Variants in ADGRG7 observed in about 807,000 individuals in gnomAD.
The protein encoded by ADGRG7 is G-protein coupled receptor 128.
In ADGRG7, 82 loss-of-function variants were observed where a neutral mutation model predicts 88.6. That is an observed-to-expected ratio of 0.93 (90% CI 0.77 to 1.11). The LOEUF is 1.11. Among genes scored for constraint, ADGRG7 ranks in the 50% most tolerant of loss-of-function variants. The pLI, the probability that ADGRG7 is intolerant of heterozygous loss-of-function variation, is 0.00. For synonymous variants in ADGRG7, 381 were observed against 345.2 expected (o/e 1.10, Z -1.15); for missense variants, 945 against 953.4 (o/e 0.99, Z 0.12).
intron 15 of ADGRG7, among the ~76,000 whole-genome samples, chr3:100,691,908 C>T (rs568788218): frequency 6.6e-6 from 1 of 152,232 alleles, no homozygotes; most frequent in East Asian, 1.9e-4. Flanking sequence ...AAGGAACTTG[C>T]TTGTGCATAT....
intron 15 of ADGRG7, among the ~76,000 whole-genome samples, chr3:100,674,747 T>G (rs944638168): frequency 6.6e-6 from 1 of 152,222 alleles, no homozygotes; most frequent in South Asian, 2.1e-4. Context: ...CTAGCTAATT[T>G]TTTGTATTTT....
intron 3 of ADGRG7, 23 bp from the exon 4 acceptor site, chr3:100,633,242 T>TA: frequency 1.7e-6 from 2 of 1,210,504 alleles, no homozygotes; most frequent in Non-Finnish European, 1.1e-6. Context: ...TTATTTTTAA[T>TA]AAAAAATTTC....
intron 10 of ADGRG7, among the ~76,000 whole-genome samples, chr3:100,647,054 G>T (rs1707764139): frequency 6.6e-6 from 1 of 152,086 alleles, no homozygotes; most frequent in Admixed American, 6.5e-5. Flanking sequence ...CTACTCAGGA[G>T]GCTGAGGCAG....
At chr3:100,614,883 A>G (rs1294118093) in intron 1 of ADGRG7, among the ~76,000 whole-genome samples, 1 of 152,244 alleles carries the variant, frequency 6.6e-6, no homozygotes, top group Non-Finnish European at 1.5e-5. Context: ...TATTAAAAGC[A>G]TTGAAAATGT....
At chr3:100,655,229 T>C (rs12636989) in intron 12 of ADGRG7, 48 bp downstream of exon 12, 91,657 of 1,374,436 alleles carry the variant, frequency 0.067, 4,891 homozygotes, top group East Asian at 0.25. Flanking sequence ...TTTGTGGAAA[T>C]CATTTAATTT....
At chr3:100,656,288 T>C (rs1034834953) in intron 13 of ADGRG7, among the ~76,000 whole-genome samples, 1 of 152,212 alleles carries the variant, frequency 6.6e-6, no homozygotes, top group African/African-American at 2.4e-5. Context: ...CAATAGGTAT[T>C]ATCCTTAGTA....
chr3:100,649,661 T>G (rs2094926148), intron 10 of ADGRG7, 34 bp from the exon 11 acceptor site: 3 of 1,151,224 alleles, frequency 2.6e-6, no homozygotes, highest in Non-Finnish European at 3.9e-6. Flanking sequence ...CAGGGATGAC[T>G]AATTAAAAAT....
rs1393884900 is a variant in ADGRG7 at position 100,646,126 on chromosome 3, G to C, written c.1110+18G>C. The C allele has an allele frequency of 6.7e-7, 1 of 1,501,776 alleles. No individual in the cohort carries two copies. Among genetic ancestry groups the C allele is most frequent in the Admixed American group, 1.8e-5 (1 of 54,242 alleles). 93.0% of individuals were successfully genotyped at this position (1,501,776 alleles called of 1,614,324 possible). On this transcript the variant is annotated intron_variant, in intron 9 of 15. Transcript: ENST00000273352. ...GTCCAAAGGTGAGTTTTTCATTGCA[G>C]ATGCAAGAAAAAAGTGTCCTCATGC...
At chr3:100,652,567 G>A (rs941125768) in intron 11 of ADGRG7, among the ~76,000 whole-genome samples, 2 of 152,004 alleles carry the variant, frequency 1.3e-5, no homozygotes, top group Non-Finnish European at 1.5e-5. Context: ...TGCCTTTAAG[G>A]GGATATAAGG....
In ADGRG7 at chr3:100,669,066, C is replaced by A. The variant is rs1052007941; in HGVS notation, c.2097C>A (p.Ile699=). ...TAGTTAATGATGATAGCATCAGGAT[C>A]GTCTTCAGCTACATATTCTGCCTTT... The part of the protein sequence containing the change: ...LMLVNDDSIR[I]VFSYIFCLFN... Residue 699 remains isoleucine (I), a synonymous_variant, in exon 15 of 16, where the codon ATC becomes ATA. Coordinates refer to ENST00000273352, the MANE Select transcript of ADGRG7 (RefSeq NM_032787.3). The A allele has an allele frequency of 1.3e-6, 2 of 1,596,382 alleles. No homozygotes were observed. The highest frequency in any genetic ancestry group is 1.8e-5 in the Admixed American group (1 of 56,942).
intron 11 of ADGRG7, among the ~76,000 whole-genome samples, chr3:100,651,450 C>A (rs533216548): frequency 6.6e-6 from 1 of 152,332 alleles, no homozygotes; most frequent in East Asian, 1.9e-4. Flanking sequence ...CAAAACCTCA[C>A]TCTTTTCATT....
chr3:100,694,700 TATCTCAGC>T (rs2094999228), intron 15 of ADGRG7, 36 bp from the exon 16 acceptor site: 2 of 1,576,570 alleles, frequency 1.3e-6, no homozygotes, highest in Non-Finnish European at 1.7e-6. Context: ...CTTGATACTG[TATCTCAGC>T]ACTTACCCAA....
In ADGRG7 at chr3:100,620,537, T is replaced by C. The variant is rs113695018; in HGVS notation, c.116-9061T>C. On this transcript the variant is annotated intron_variant, in intron 1 of 15. Transcript: ENST00000273352. ...CCTGTGTCACCACTCCTATTCAACA[T>C]AGTGTTGGAAGTTCTGGCCAGGGCA... 6.3e-3 allele frequency among the ~76,000 whole-genome samples: 952 copies of C among 152,284 alleles called. 14 individuals carry two copies. The highest frequency in any genetic ancestry group is 0.022 in the African/African-American group (913 of 41,558).
intron 15 of ADGRG7, among the ~76,000 whole-genome samples, chr3:100,684,854 A>G (rs970315220): frequency 6.6e-6 from 1 of 152,072 alleles, no homozygotes; most frequent in African/African-American, 2.4e-5. Flanking sequence ...AACAATAGAT[A>G]TTGATTCCTC....
At chr3:100,669,715 C>G (rs1158792061) in intron 15 of ADGRG7, among the ~76,000 whole-genome samples, 5 of 151,890 alleles carry the variant, frequency 3.3e-5, no homozygotes, top group African/African-American at 1.2e-4. Flanking sequence ...ATTATACTCT[C>G]AGTTATTTAA....
In ADGRG7 at chr3:100,688,883, T is replaced by G. The variant is rs1461273824; in HGVS notation, c.2137-5861T>G. 2.0e-5 allele frequency among the ~76,000 whole-genome samples: 3 copies of G among 152,322 alleles called. No individual in the cohort carries two copies. The East Asian group carries it at 5.8e-4, about 29-fold the overall frequency. ...TTTGGGGTGGAGAGTTCTGTAGATG[T>G]CTATTAGGTCCACTTGGTGCAGAGC... On this transcript the variant is annotated intron_variant, in intron 15 of 15. Coordinates refer to ENST00000273352, the MANE Select transcript of ADGRG7 (RefSeq NM_032787.3).
intron 8 of ADGRG7, 57 bp from the exon 9 acceptor site, chr3:100,645,888 G>A (rs1345834545): frequency 5.4e-6 from 8 of 1,476,084 alleles, no homozygotes; most frequent in Admixed American, 4.0e-5. Context: ...GTGACATATT[G>A]TTTTTTGTTT....
At chr3:100,651,682 A>G (rs62274611) in intron 11 of ADGRG7, among the ~76,000 whole-genome samples, 12 of 151,958 alleles carry the variant, frequency 7.9e-5, no homozygotes, top group Non-Finnish European at 2.9e-5. Flanking sequence ...CATCTCAAAC[A>G]AATTTTTTTT....
At chr3:100,616,553 C>T (rs1166617833) in intron 1 of ADGRG7, among the ~76,000 whole-genome samples, 2 of 152,142 alleles carry the variant, frequency 1.3e-5, no homozygotes, top group African/African-American at 2.4e-5. Flanking sequence ...TGATTCATGC[C>T]TGTATTCCCA....
Sources: allele counts gnomAD v4.1 joint callset (sites outside exome capture counted in the v4.1 genomes callset), GRCh38; gene constraint gnomAD v4.1.1; transcripts MANE v1.5; gene names NCBI Gene and HGNC (gene_info 2026-07-23, HGNC 2026-07-21).